Variants in FGFR3 observed in about 807,000 individuals in gnomAD.
FGFR3 encodes the protein FGFR-3.
A neutral mutation model predicts 82.9 loss-of-function variants in FGFR3; 25 were observed. The ratio of observed to expected loss-of-function variants is 0.30; its 90% confidence interval spans 0.22 to 0.42. The LOEUF (loss-of-function observed/expected upper bound fraction) is 0.42, where lower values mean the gene tolerates loss of function less well. FGFR3 is among the 10% of genes least tolerant of loss of function. FGFR3 has a pLI of 1.00. For synonymous variants in FGFR3, 620 were observed against 516.0 expected (o/e 1.20, Z -2.73); for missense variants, 1,026 against 1,161.0 (o/e 0.88, Z 1.69).
Position 1,807,414 on chromosome 4 carries a change from TGTGTGC to T in FGFR3, c.*153_*158del. On this transcript the variant is annotated 3_prime_UTR_variant, in exon 18 of 18. Transcript: ENST00000440486. ...GTGTGTGTGTGCGTGTGTGTGTGTG[TGTGTGC>T]ACATCCGCGTGTGCCTGTGTGCGTG... 2 of 1,165,604 alleles carry T rather than the reference TGTGTGC, an allele frequency of 1.7e-6. No individual in the cohort carries two copies. The highest frequency in any genetic ancestry group is 2.5e-6 in the Non-Finnish European group (2 of 810,096). 72.2% of individuals were successfully genotyped at this position (1,165,604 alleles called of 1,614,324 possible).
intron 7 of FGFR3, chr4:1,802,791 G>A: frequency 7.7e-7 from 1 of 1,301,502 alleles, no homozygotes; most frequent in South Asian, 1.6e-5. Flanking sequence ...GCCTCCTCCA[G>A]GCAGCCTTTG....
rs988202796 is a variant in FGFR3 at position 1,793,852 on chromosome 4, C to A, written c.-83C>A. The A allele has an allele frequency of 1.5e-5, 5 of 340,194 alleles. No individual in the cohort carries two copies. Among genetic ancestry groups the A allele is most frequent in the Non-Finnish European group, 2.1e-5 (5 of 234,008 alleles). The allele number at this position is 340,194 out of a possible 1,614,324, so 21.1% of individuals were successfully genotyped here. On this transcript the variant is annotated 5_prime_UTR_variant, in exon 2 of 18. Transcript: ENST00000440486. ...CTGTAGTCTCCCGAGCGGCGCCCGC[C>A]TCCCGCCGGTGCCCGCGCCGGGCCG...
chr4:1,808,710 T>C lies in FGFR3; in HGVS notation c.*1448T>C, dbSNP rs542211235. ...CTGTACTGTTACTGGGCCCTGAGTC[T>C]GGGCAGCTGTCCCTTGCTTGCCTGC... is the stretch of plus-strand genomic sequence containing the variant. On this transcript the variant is annotated 3_prime_UTR_variant, in exon 18 of 18. Coordinates refer to ENST00000440486, the MANE Select transcript of FGFR3 (RefSeq NM_000142.5). 1.4e-4 allele frequency: 32 copies of C among 232,446 alleles called. No individual in the cohort carries two copies. The highest frequency in any genetic ancestry group is 6.8e-4 in the African/African-American group (31 of 45,376). The allele number at this position is 232,446 out of a possible 1,614,324, so 14.4% of individuals were successfully genotyped here. A position where few individuals can be genotyped will look rare whatever the true frequency, so the allele number is the denominator to read the frequency against.
At chr4:1,793,581 G>T in intron 1 of FGFR3, 116 bp downstream of exon 1, 1 of 150,852 alleles carries the variant, frequency 6.6e-6, no homozygotes, top group South Asian at 2.1e-4. Flanking sequence ...GCCGGGGCGC[G>T]GGCTTCCCGC....
At chr4:1,797,947 C>T (rs763555381) in intron 2 of FGFR3, among the ~76,000 whole-genome samples, 2 of 152,140 alleles carry the variant, frequency 1.3e-5, no homozygotes, top group African/African-American at 4.8e-5. Context: ...CTAGGCCACG[C>T]GTCTGCAGAA....
intron 1 of FGFR3, 81 bp from the exon 2 acceptor site, chr4:1,793,743 GGGGGTCGGA>G (rs1249184172): frequency 1.0e-4 from 16 of 157,030 alleles, no homozygotes; most frequent in East Asian, 1.9e-4. Context: ...CGGGGCGGCT[GGGGGTCGGA>G]GGGGTCGGGA....
At chr4:1,798,148 G>T (rs1720737634) in intron 2 of FGFR3, among the ~76,000 whole-genome samples, 1 of 152,046 alleles carries the variant, frequency 6.6e-6, no homozygotes, top group Non-Finnish European at 1.5e-5. Context: ...AGGCTTTGGT[G>T]GCTCTGGGGA....
intron 2 of FGFR3, 109 bp downstream of exon 2, chr4:1,794,152 C>T (rs1720180338): frequency 1.9e-6 from 1 of 527,792 alleles, no homozygotes; most frequent in East Asian, 4.0e-5. Flanking sequence ...AGTGACGCCC[C>T]GGGGTTAGAG....
rs1321398354 is a variant in FGFR3 at position 1,808,646 on chromosome 4, C to G, written c.*1384C>G. On this transcript the variant is annotated 3_prime_UTR_variant, in exon 18 of 18. Transcript: ENST00000440486. ...TTTTATAGCCTGGACTGCTACCTTTCAAAGCTTGGAGGGAAGCCGTGAATT... is the reference window on the plus strand; with the variant it reads ...TTTTATAGCCTGGACTGCTACCTTTGAAAGCTTGGAGGGAAGCCGTGAATT... The G allele has an allele frequency of 4.3e-6, 1 of 231,886 alleles. No homozygotes were observed. The highest frequency in any genetic ancestry group is 1.8e-4 in the South Asian group (1 of 5,516). The allele number at this position is 231,886 out of a possible 1,614,324, so 14.4% of individuals were successfully genotyped here.
chr4:1,807,753 C>T lies in FGFR3; in HGVS notation c.*491C>T. On this transcript the variant is annotated 3_prime_UTR_variant, in exon 18 of 18. Transcript: ENST00000440486. ...GGGTGTTAGTGGCACCGCCTCCCCA[C>T]CTCCAGGCTTTCCCACTTCCCACCC... The T allele has an allele frequency of 3.5e-6, 2 of 579,184 alleles. No individual in the cohort carries two copies. Among genetic ancestry groups the T allele is most frequent in the East Asian group, 6.8e-5 (2 of 29,382 alleles). The allele number at this position is 579,184 out of a possible 1,614,324, so 35.9% of individuals were successfully genotyped here.
chr4:1,801,596 TCACC>T lies in FGFR3; in HGVS notation c.616-22_616-19del. The T allele has an allele frequency of 6.3e-7, 1 of 1,597,658 alleles. No homozygotes were observed. The highest frequency in any genetic ancestry group is 8.5e-7 in the Non-Finnish European group (1 of 1,173,552). ...CGCGGTGGTTGCTGCCTCCGCTCACTCACCCGCCCGCGTCCCGGTGCAGCTGCGG... is the reference window on the plus strand; with the variant it reads ...CGCGGTGGTTGCTGCCTCCGCTCACTCGCCCGCGTCCCGGTGCAGCTGCGG... On this transcript the variant is annotated intron_variant, in intron 5 of 17. Coordinates refer to ENST00000440486, the MANE Select transcript of FGFR3 (RefSeq NM_000142.5).
intron 2 of FGFR3, among the ~76,000 whole-genome samples, chr4:1,799,014 G>A (rs571357457): frequency 6.6e-6 from 1 of 152,362 alleles, no homozygotes; most frequent in South Asian, 2.1e-4. Context: ...TGCAGGTTGT[G>A]TGGGGAAGGC....
chr4:1,795,879 G>T (rs1056177327), intron 2 of FGFR3, among the ~76,000 whole-genome samples: 1 of 152,274 alleles, frequency 6.6e-6, no homozygotes, highest in African/African-American at 2.4e-5. Context: ...ACTTTGAGCC[G>T]CGTGGGCCTC....
Position 1,801,664 on chromosome 4 carries a change from C to A in FGFR3, c.660C>A (p.Pro220=), listed in dbSNP as rs146927248. 17 of 1,611,346 alleles carry A rather than the reference C, an allele frequency of 1.1e-5. No homozygotes were observed. In the African/African-American group the frequency reaches 2.1e-4, roughly 20 times the overall value. The part of the protein sequence containing the change: ...QWSLVMESVV[P]SDRGNYTCVV... ...GCCTGGTCATGGAAAGCGTGGTGCC[C>A]TCGGACCGCGGCAACTACACCTGCG... is the stretch of plus-strand genomic sequence containing the variant. Residue 220 remains proline, a synonymous_variant, in exon 6 of 18, where the codon CCC becomes CCA. Coordinates refer to ENST00000440486, the MANE Select transcript of FGFR3 (RefSeq NM_000142.5).
rs576865500 is a variant in FGFR3, at chr4:1,800,853, G to C, written c.446-514G>C. ...AGATGGGAGGAGGCAGGGCCTCCAG[G>C]GTGCCACCGTCTCTGGGTGCCCGCC... is the stretch of plus-strand genomic sequence containing the variant. On this transcript the variant is annotated intron_variant, in intron 4 of 17. Coordinates refer to ENST00000440486, the MANE Select transcript of FGFR3 (RefSeq NM_000142.5). 2.0e-5 allele frequency among the ~76,000 whole-genome samples: 3 copies of C among 152,338 alleles called. No individual in the cohort carries two copies. In the South Asian group the frequency reaches 6.2e-4, roughly 32 times the overall value.
rs775451126 is a variant in FGFR3 at position 1,807,171 on chromosome 4, C to G, written c.2330C>G (p.Thr777Ser). 6.2e-7 allele frequency: 1 copy of G among 1,602,880 alleles called. No homozygotes were observed. The highest frequency in any genetic ancestry group is 8.5e-7 in the Non-Finnish European group (1 of 1,175,468). Residue 777 changes from threonine (T) to serine (S), a missense_variant, in exon 18 of 18, where the codon ACC becomes AGC. Thr to Ser is a moderately conservative substitution (Grantham distance 58). Around this residue, in one of 9 missense-constraint regions of FGFR3, gnomAD observed 155 missense variants for 150.2 expected, o/e 1.03. Transcript: ENST00000440486. ...CAGTACTCCCCGGGTGGCCAGGACA[C>G]CCCCAGCTCCAGCTCCTCAGGGGAC... ...FEQYSPGGQD[T>S]PSSSSSGDDS...
intron 2 of FGFR3, among the ~76,000 whole-genome samples, chr4:1,795,951 C>T (rs1410291884): frequency 1.3e-5 from 2 of 152,274 alleles, no homozygotes; most frequent in African/African-American, 4.8e-5. Context: ...CCTAGGAACC[C>T]CTTGTTACCC....
At chr4:1,797,971 C>T (rs893451612) in intron 2 of FGFR3, among the ~76,000 whole-genome samples, 9 of 152,146 alleles carry the variant, frequency 5.9e-5, no homozygotes, top group African/African-American at 1.2e-4. Flanking sequence ...CAAGTGATGG[C>T]GCAACCCGCC....
At chr4:1,804,643 C>A in intron 9 of FGFR3, 123 bp downstream of exon 9, 1 of 1,459,442 alleles carries the variant, frequency 6.9e-7, no homozygotes, top group Non-Finnish European at 9.5e-7. Flanking sequence ...GCTCCCCTCT[C>A]CTCGTCTCTG....
Sources: gnomAD v4.1 joint callset for allele counts (sites outside exome capture counted in the v4.1 genomes callset) on GRCh38, gnomAD v4.1.1 for gene constraint, gnomAD v4.1.1 regional missense constraint, MANE v1.5 for transcripts, NCBI Gene and HGNC (gene_info 2026-07-23, HGNC 2026-07-21) for gene names.